PRKCA: variants seen among roughly 807,000 people sequenced by gnomAD.
PRKCA encodes protein kinase C alpha type.
PRKCA carries 27 observed loss-of-function variants against 87.0 expected under a neutral mutation model. The observed-to-expected ratio is 0.31, with a 90% CI of 0.23 to 0.43. The LOEUF is 0.43. Among genes scored for constraint, PRKCA ranks in the 20% least tolerant of loss-of-function variants. PRKCA has a pLI of 1.00. For synonymous variants in PRKCA, 329 were observed against 311.1 expected, an observed-to-expected ratio of 1.06 and a Z score of -0.61; for missense variants, 518 against 852.3, an observed-to-expected ratio of 0.61 and a Z score of 4.88.
At chr17:66,443,506 A>G (rs1222450775) in intron 2 of PRKCA, among the ~76,000 whole-genome samples, 1 of 152,196 alleles carries the variant, frequency 6.6e-6, no homozygotes, top group Non-Finnish European at 1.5e-5. Flanking sequence ...AACTTGACTC[A>G]ATAAATAACC....
intron 3 of PRKCA, among the ~76,000 whole-genome samples, chr17:66,622,828 G>A (rs1310818059): frequency 6.6e-6 from 1 of 152,228 alleles, no homozygotes; most frequent in Non-Finnish European, 1.5e-5. Context: ...CAGATCTTGT[G>A]AGACTTACTA....
intron 14 of PRKCA, among the ~76,000 whole-genome samples, chr17:66,785,860 G>A (rs534488878): frequency 2.6e-5 from 4 of 152,280 alleles, no homozygotes; most frequent in Non-Finnish European, 5.9e-5. Context: ...ACGGAGTCTC[G>A]CTCTGTCACC....
At chr17:66,420,134 C>G (rs1912403766) in intron 2 of PRKCA, among the ~76,000 whole-genome samples, 2 of 151,910 alleles carry the variant, frequency 1.3e-5, no homozygotes, top group Non-Finnish European at 1.5e-5. Flanking sequence ...GCCTCAGCCT[C>G]CCAAGTAGCT....
intron 2 of PRKCA, among the ~76,000 whole-genome samples, chr17:66,433,047 G>A (rs976056007): frequency 1.3e-5 from 2 of 152,294 alleles, no homozygotes; most frequent in Non-Finnish European, 2.9e-5. Context: ...TAGCCGGGGG[G>A]AAGGAGGTAG....
At chr17:66,556,097 A>G (rs1968486621) in intron 3 of PRKCA, among the ~76,000 whole-genome samples, 1 of 151,948 alleles carries the variant, frequency 6.6e-6, no homozygotes, top group South Asian at 2.1e-4. Flanking sequence ...CTGGGACTGG[A>G]GCTCTTTTTG....
chr17:66,575,973 G>A (rs1969226652), intron 3 of PRKCA, among the ~76,000 whole-genome samples: 1 of 151,946 alleles, frequency 6.6e-6, no homozygotes, highest in Non-Finnish European at 1.5e-5. Flanking sequence ...AATTAGCCAG[G>A]TGTGGTGATG....
intron 3 of PRKCA, among the ~76,000 whole-genome samples, chr17:66,620,154 A>T (rs1447853570): frequency 6.6e-6 from 1 of 152,186 alleles, no homozygotes; most frequent in East Asian, 1.9e-4. Flanking sequence ...TCATCAAAGA[A>T]ATTATCCATG....
In PRKCA at chr17:66,689,659, ACTC is replaced by A. The variant is rs1031302784; in HGVS notation, c.918+616_918+618del. ...TTTTACTTCTCCTCCTCTGCTCCTT[ACTC>A]CTCTTTTTCTTCTCCTCTCTCTCCC... On this transcript the variant is annotated intron_variant, in intron 8 of 16. Coordinates refer to ENST00000413366, the MANE Select transcript of PRKCA (RefSeq NM_002737.3). This position sits in a 1 kb window ranked among gnomAD's most constrained non-coding sequence, Gnocchi z 4.1. 2.7e-5 allele frequency among the ~76,000 whole-genome samples: 4 copies of A among 150,292 alleles called. No individual in the cohort carries two copies. Among genetic ancestry groups the A allele is most frequent in the Admixed American group, 2.6e-4 (4 of 15,152 alleles).
chr17:66,774,353 G>T, intron 14 of PRKCA: 1 of 1,225,606 alleles, frequency 8.2e-7, no homozygotes, highest in Non-Finnish European at 1.0e-6. Context: ...AGGCGCGGTG[G>T]CTCATGGCTA....
intron 2 of PRKCA, among the ~76,000 whole-genome samples, chr17:66,337,645 C>T (rs1488303133): frequency 3.3e-5 from 5 of 152,110 alleles, no homozygotes; most frequent in Admixed American, 1.3e-4. Context: ...CTTGGCTTCC[C>T]AAAATTCTGG....
At chr17:66,671,407 C>A (rs1005010272) in intron 5 of PRKCA, among the ~76,000 whole-genome samples, 1 of 151,990 alleles carries the variant, frequency 6.6e-6, no homozygotes, top group Non-Finnish European at 1.5e-5. Flanking sequence ...ACTGCTTAAT[C>A]TCTCCAAGCC....
In PRKCA at chr17:66,464,309, G is replaced by A. The variant is rs150319943; in HGVS notation, c.206-31892G>A. 2.1e-3 allele frequency among the ~76,000 whole-genome samples: 324 copies of A among 152,174 alleles called. 3 individuals carry two copies. The highest frequency in any genetic ancestry group is 3.2e-3 in the Non-Finnish European group (215 of 68,004). ...GCGTCTGGGTTGCTTTCAAGTTTGG[G>A]GCAATTATGAAGAAGGCTGCCATAA... is the stretch of plus-strand genomic sequence containing the variant. On this transcript the variant is annotated intron_variant, in intron 2 of 16. Coordinates refer to ENST00000413366, the MANE Select transcript of PRKCA (RefSeq NM_002737.3).
chr17:66,476,129 A>G (rs534379646), intron 2 of PRKCA, among the ~76,000 whole-genome samples: 2 of 152,128 alleles, frequency 1.3e-5, no homozygotes, highest in East Asian at 3.9e-4. Context: ...TGAACTCCTG[A>G]CCTCAAGTGA....
At chr17:66,692,298 G>A (rs1401571566) in intron 8 of PRKCA, among the ~76,000 whole-genome samples, 1 of 152,180 alleles carries the variant, frequency 6.6e-6, no homozygotes, top group Non-Finnish European at 1.5e-5. Context: ...TTTGCTTAGA[G>A]CATTTTAAAA....
At chr17:66,493,408 A>G (rs1173923878) in intron 2 of PRKCA, among the ~76,000 whole-genome samples, 1 of 151,916 alleles carries the variant, frequency 6.6e-6, no homozygotes, top group Non-Finnish European at 1.5e-5. Context: ...TCTGCTCTGG[A>G]AATCCTGCCA....
chr17:66,569,654 AAG>A (rs1280805852), intron 3 of PRKCA, among the ~76,000 whole-genome samples: 7 of 152,212 alleles, frequency 4.6e-5, no homozygotes, highest in Admixed American at 1.3e-4. Context: ...AACTTCATGA[AAG>A]AGGATATAAA....
At chr17:66,541,940 T>C (rs934698809) in intron 3 of PRKCA, among the ~76,000 whole-genome samples, 1 of 152,214 alleles carries the variant, frequency 6.6e-6, no homozygotes, top group African/African-American at 2.4e-5. Context: ...AATTTTTGGC[T>C]GACCACATTT....
intron 5 of PRKCA, among the ~76,000 whole-genome samples, chr17:66,655,520 A>G (rs1032511077): frequency 6.6e-6 from 1 of 152,204 alleles, no homozygotes; most frequent in African/African-American, 2.4e-5. Flanking sequence ...ATTTTATGCC[A>G]TGCCTGAAAC....
chr17:66,588,824 A>G (rs1184287428), intron 3 of PRKCA, among the ~76,000 whole-genome samples: 2 of 151,504 alleles, frequency 1.3e-5, no homozygotes, highest in African/African-American at 2.4e-5. Flanking sequence ...GCATTTTTGT[A>G]GAGACAGGGT....
Sources: gnomAD v4.1 joint callset for allele counts (sites outside exome capture counted in the v4.1 genomes callset) on GRCh38, gnomAD v4.1.1 for gene constraint, Gnocchi (gnomAD v3.1) non-coding constraint, MANE v1.5 for transcripts, NCBI Gene and HGNC (gene_info 2026-07-23, HGNC 2026-07-21) for gene names.